Variants in CCDC85C observed in about 807,000 individuals in gnomAD.
The protein encoded by CCDC85C is coiled-coil domain containing 85C.
Under a neutral mutation model 38.3 loss-of-function variants are expected in CCDC85C, and 18 were observed. The ratio of observed to expected loss-of-function variants is 0.47; its 90% CI spans 0.33 to 0.70. The LOEUF (loss-of-function observed/expected upper bound fraction) is 0.70. CCDC85C is among the 30% of genes least tolerant of loss of function. The pLI is 0.03. For missense variants in CCDC85C, 566 were observed against 621.2 expected (o/e 0.91, Z 0.94); for synonymous variants, 264 against 293.8 (o/e 0.90, Z 1.04).
chr14:99,552,388 G>T (rs950573965), intron 1 of CCDC85C, among the ~76,000 whole-genome samples: 8 of 152,348 alleles, frequency 5.3e-5, no homozygotes, highest in South Asian at 4.1e-4. Context: ...GCAGGGAGGG[G>T]GAGGCGCAAA....
chr14:99,595,161 C>T (rs1309051823), intron 1 of CCDC85C, among the ~76,000 whole-genome samples: 5 of 152,352 alleles, frequency 3.3e-5, no homozygotes, highest in African/African-American at 1.2e-4. Context: ...GGTCCCCACT[C>T]ATCCATCACC....
Position 99,603,911 on chromosome 14 carries a change from G to A in CCDC85C, c.49C>T (p.Gln17Ter). The A allele has an allele frequency of 6.8e-7, 1 of 1,464,708 alleles. No homozygotes were observed. Among genetic ancestry groups the A allele is most frequent in the Non-Finnish European group, 9.0e-7 (1 of 1,112,516 alleles). The allele number at this position is 1,464,708 out of a possible 1,614,324, so 90.7% of individuals were successfully genotyped here. A position where few individuals can be genotyped will look rare whatever the true frequency, so the allele number is the denominator to read the frequency against. Residue 17 changes from glutamine to a stop codon, truncating the protein, a stop_gained, in exon 1 of 6, where the codon CAG becomes TAG. Coordinates refer to ENST00000380243, the MANE Select transcript of CCDC85C (RefSeq NM_001144995.2). LOFTEE classifies it high-confidence loss of function. This position sits in a 1 kb window ranked among gnomAD's most constrained non-coding sequence, Gnocchi z 7.5. The stretch of plus-strand genomic sequence containing the variant: ...CGCAGCAGCTCCTCGTCCGGCACCT[G>A]GCTCAGCTCCTCCGACGCCGCCGCC... ...TAAAASEELS[Q>*]VPDEELLRWS...
intron 3 of CCDC85C, among the ~76,000 whole-genome samples, chr14:99,519,430 T>C (rs1354990551): frequency 6.6e-6 from 1 of 151,996 alleles, no homozygotes; most frequent in East Asian, 1.9e-4. Context: ...ATGCCCACTT[T>C]ACAGACAAGG....
Position 99,534,644 on chromosome 14 carries a change from G to A in CCDC85C, c.867+1371C>T, listed in dbSNP as rs113480352. 108 of 702,314 alleles carry A rather than the reference G, an allele frequency of 1.5e-4. 2 individuals carry two copies. The highest frequency in any genetic ancestry group is 1.4e-3 in the African/African-American group (81 of 57,372). The allele number at this position is 702,314 out of a possible 1,614,324, so 43.5% of individuals were successfully genotyped here. ...GGTCCCTAAGCCATGACCTTCTCCT[G>A]GTGTCACTTCTGCCTACAGCTTCCA... On this transcript the variant is annotated intron_variant, in intron 2 of 5. Transcript: ENST00000380243.
Position 99,588,285 on chromosome 14 carries a change from A to G in CCDC85C, c.793+14882T>C, listed in dbSNP as rs914180805. 6.6e-6 allele frequency among the ~76,000 whole-genome samples: 1 copy of G among 151,936 alleles called. No individual in the cohort carries two copies. The highest frequency in any genetic ancestry group is 2.4e-5 in the African/African-American group (1 of 41,358). ...TGGTACACCAGCACCTTTCTGAGTT[A>G]AACATTGGTGAGGACACCCATCCAG... On this transcript the variant is annotated intron_variant, in intron 1 of 5. Coordinates refer to ENST00000380243, the MANE Select transcript of CCDC85C (RefSeq NM_001144995.2). This position sits in a 1 kb window ranked among gnomAD's most constrained non-coding sequence, Gnocchi z 5.0.
At chr14:99,556,364 T>C (rs1013354660) in intron 1 of CCDC85C, among the ~76,000 whole-genome samples, 15 of 152,212 alleles carry the variant, frequency 9.9e-5, no homozygotes, top group African/African-American at 3.4e-4. Flanking sequence ...CAGTGAACTA[T>C]GATCACACCA....
chr14:99,547,557 T>C (rs1364537575), intron 1 of CCDC85C, among the ~76,000 whole-genome samples: 4 of 152,158 alleles, frequency 2.6e-5, no homozygotes, highest in Non-Finnish European at 5.9e-5. Context: ...GCAGATCACC[T>C]GACGCCAGGA....
intron 1 of CCDC85C, among the ~76,000 whole-genome samples, chr14:99,599,440 A>C (rs2055176729): frequency 6.6e-6 from 1 of 152,156 alleles, no homozygotes; most frequent in Non-Finnish European, 1.5e-5. Context: ...CAGCTGGAAA[A>C]AGAACTGAAA....
intron 5 of CCDC85C, among the ~76,000 whole-genome samples, chr14:99,515,737 C>T (rs1283522199): frequency 2.6e-5 from 4 of 152,224 alleles, no homozygotes; most frequent in South Asian, 2.1e-4. Context: ...GGGTCGAGCA[C>T]GGAGCTCTCC....
intron 1 of CCDC85C, among the ~76,000 whole-genome samples, chr14:99,539,205 A>T (rs533104961): frequency 1.3e-5 from 2 of 152,332 alleles, no homozygotes; most frequent in South Asian, 2.1e-4. Flanking sequence ...GCACGGTGGC[A>T]CATGCCTGCA....
Position 99,507,653 on chromosome 14 carries a change from T to C in CCDC85C, c.*7593A>G, listed in dbSNP as rs1302177673. On this transcript the variant is annotated 3_prime_UTR_variant, in exon 6 of 6. Transcript: ENST00000380243. ...TCCGACCTCTCACATCCAGAAATGCTAAACTACACATTGTATTAGAATCAG... is the reference window on the plus strand; with the variant it reads ...TCCGACCTCTCACATCCAGAAATGCCAAACTACACATTGTATTAGAATCAG... 6.3e-6 allele frequency: 1 copy of C among 157,580 alleles called. No homozygotes were observed. The highest frequency in any genetic ancestry group is 1.4e-5 in the Non-Finnish European group (1 of 71,084). 9.8% of individuals were successfully genotyped at this position (157,580 alleles called of 1,614,324 possible). A position where few individuals can be genotyped will look rare whatever the true frequency, so the allele number is the denominator to read the frequency against.
At position 99,603,157 on chromosome 14, in the gene CCDC85C, T is replaced by C. The variant is rs1486271916; in HGVS notation, c.793+10A>G. 2 of 1,355,464 alleles carry C rather than the reference T, an allele frequency of 1.5e-6. No individual in the cohort carries two copies. Among genetic ancestry groups the C allele is most frequent in the East Asian group, 3.1e-5 (1 of 32,556 alleles). 84.0% of individuals were successfully genotyped at this position (1,355,464 alleles called of 1,614,324 possible). A position where few individuals can be genotyped will look rare whatever the true frequency, so the allele number is the denominator to read the frequency against. ...GGAGACCCGCGCTGCCCGGCCCGTGTAGTCCTTACCGTGCAGGCCGTTGGG... is the reference window on the plus strand; with the variant it reads ...GGAGACCCGCGCTGCCCGGCCCGTGCAGTCCTTACCGTGCAGGCCGTTGGG... On this transcript the variant is annotated intron_variant, in intron 1 of 5. Coordinates refer to ENST00000380243, the MANE Select transcript of CCDC85C (RefSeq NM_001144995.2). This position sits in a 1 kb window ranked among gnomAD's most constrained non-coding sequence, Gnocchi z 7.5.
rs1222136598 is a variant in CCDC85C, at chr14:99,509,848, AAGAGGGGGCTGGGGCCAG to A, written c.*5380_*5397del. 3 of 450,140 alleles carry A rather than the reference AAGAGGGGGCTGGGGCCAG, an allele frequency of 6.7e-6. No individual in the cohort carries two copies. Among genetic ancestry groups the A allele is most frequent in the African/African-American group, 6.1e-5 (3 of 49,286 alleles). 27.9% of individuals were successfully genotyped at this position (450,140 alleles called of 1,614,324 possible). On this transcript the variant is annotated 3_prime_UTR_variant, in exon 6 of 6. Coordinates refer to ENST00000380243, the MANE Select transcript of CCDC85C (RefSeq NM_001144995.2). ...GAGCCCCCACACGTTTTGCACTAGG[AAGAGGGGGCTGGGGCCAG>A]GGCACAAGGGGGCTTCGGGTGCTGC... is the stretch of plus-strand genomic sequence containing the variant.
chr14:99,570,580 G>A lies in CCDC85C; in HGVS notation c.793+32587C>T, dbSNP rs541145066. On this transcript the variant is annotated intron_variant, in intron 1 of 5. Coordinates refer to ENST00000380243, the MANE Select transcript of CCDC85C (RefSeq NM_001144995.2). ...AGGGGGACAGGAGGAGAGGGTCATG[G>A]GAGGGTGTGGGGCCAGGGATATAAC... 4.5e-3 allele frequency among the ~76,000 whole-genome samples: 684 copies of A among 152,214 alleles called. 4 individuals carry two copies. Among genetic ancestry groups the A allele is most frequent in the Non-Finnish European group, 5.9e-3 (399 of 68,002 alleles).
In CCDC85C at chr14:99,504,197, CAG is replaced by C. The variant is rs756629063; in HGVS notation, c.*11047_*11048del. 3 of 221,996 alleles carry C rather than the reference CAG, an allele frequency of 1.4e-5. No homozygotes were observed. The highest frequency in any genetic ancestry group is 4.1e-5 in the South Asian group (1 of 24,182). 13.8% of individuals were successfully genotyped at this position (221,996 alleles called of 1,614,324 possible). On this transcript the variant is annotated 3_prime_UTR_variant, in exon 6 of 6. Coordinates refer to ENST00000380243, the MANE Select transcript of CCDC85C (RefSeq NM_001144995.2). ...GAGCAAAATTGGAACAATTACAAAA[CAG>C]AAAGTTAGAAATGTTTTGTCACAGG...
At position 99,503,727 on chromosome 14, in the gene CCDC85C, A is replaced by C; in HGVS notation, c.*11519T>G. 8.0e-7 allele frequency: 1 copy of C among 1,247,344 alleles called. No individual in the cohort carries two copies. The highest frequency in any genetic ancestry group is 1.1e-6 in the Non-Finnish European group (1 of 886,774). The allele number at this position is 1,247,344 out of a possible 1,614,324, so 77.3% of individuals were successfully genotyped here. On this transcript the variant is annotated 3_prime_UTR_variant, in exon 6 of 6. Coordinates refer to ENST00000380243, the MANE Select transcript of CCDC85C (RefSeq NM_001144995.2). The stretch of plus-strand genomic sequence containing the variant: ...TTCTTAGCCAACATTGTTTCTTTTC[A>C]GATCTAAATTGGCCTTAAATCTTAA...
At chr14:99,561,683 G>A (rs770235421) in intron 1 of CCDC85C, among the ~76,000 whole-genome samples, 11 of 152,156 alleles carry the variant, frequency 7.2e-5, no homozygotes, top group Non-Finnish European at 1.2e-4. Flanking sequence ...AGGGGCCCAG[G>A]CGCACACCAC....
chr14:99,599,665 G>A (rs1416366933), intron 1 of CCDC85C, among the ~76,000 whole-genome samples: 3 of 152,092 alleles, frequency 2.0e-5, no homozygotes, highest in Admixed American at 2.0e-4. Context: ...CAAGGCAGGA[G>A]GACTGCTTGA....
intron 2 of CCDC85C, among the ~76,000 whole-genome samples, chr14:99,534,177 G>A (rs1462745048): frequency 1.3e-5 from 2 of 152,080 alleles, no homozygotes; most frequent in Admixed American, 6.5e-5. Flanking sequence ...CCAACATGGT[G>A]AAACCCTGTC....
Sources: allele counts gnomAD v4.1 joint callset (sites outside exome capture counted in the v4.1 genomes callset), GRCh38; gene constraint gnomAD v4.1.1; non-coding constraint Gnocchi (gnomAD v3.1); transcripts MANE v1.5; gene names NCBI Gene and HGNC (gene_info 2026-07-23, HGNC 2026-07-21).